The following ANKRD6 variants were observed in gnomAD, a reference collection of about 807,000 sequenced individuals.
ANKRD6 encodes the protein ankyrin repeat domain 6, also known as ankyrin repeat domain-containing protein 6.
A neutral mutation model predicts 82.3 loss-of-function variants in ANKRD6; 56 were observed. The observed-to-expected ratio is 0.68, with a 90% CI of 0.55 to 0.85. ANKRD6 has a LOEUF of 0.85. Ranked by LOEUF, ANKRD6 falls within the 40% of genes least tolerant of loss-of-function variation. The pLI, the probability that ANKRD6 is intolerant of heterozygous loss-of-function variation, is 0.00. For missense variants in ANKRD6, 852 were observed against 907.6 expected (o/e 0.94, Z 0.79); for synonymous variants, 347 against 352.1 (o/e 0.99, Z 0.16).
chr6:89,630,282 A>G, intron 15 of ANKRD6, 151 bp from the exon 16 acceptor site: 2 of 909,990 alleles, frequency 2.2e-6, no homozygotes, highest in Non-Finnish European at 3.2e-6. Context: ...GAAAGGTGAG[A>G]AAAGGCTCAG....
intron 1 of ANKRD6, among the ~76,000 whole-genome samples, chr6:89,473,598 T>C (rs1257391332): frequency 6.6e-6 from 1 of 152,166 alleles, no homozygotes; most frequent in Non-Finnish European, 1.5e-5. Flanking sequence ...TAAAGTAATG[T>C]CTTATGTTAC....
chr6:89,465,333 C>A (rs1186521276), intron 1 of ANKRD6, among the ~76,000 whole-genome samples: 1 of 151,922 alleles, frequency 6.6e-6, no homozygotes, highest in Non-Finnish European at 1.5e-5. Context: ...GCTGGCCAGG[C>A]TGATCTTGAA....
intron 1 of ANKRD6, among the ~76,000 whole-genome samples, chr6:89,508,684 T>G (rs1582991198): frequency 6.6e-6 from 1 of 152,334 alleles, no homozygotes; most frequent in African/African-American, 2.4e-5. Flanking sequence ...TTTATTTTCC[T>G]GGTTACCTAT....
intron 15 of ANKRD6, 44 bp downstream of exon 15, chr6:89,629,282 C>T: frequency 6.2e-7 from 1 of 1,611,542 alleles, no homozygotes; most frequent in Non-Finnish European, 8.5e-7. Context: ...AGGAACACGA[C>T]CAGCAGCTCT....
chr6:89,532,585 C>T (rs1783303886), intron 1 of ANKRD6, among the ~76,000 whole-genome samples: 1 of 152,218 alleles, frequency 6.6e-6, no homozygotes, highest in African/African-American at 2.4e-5. Flanking sequence ...ATTTAAGCTC[C>T]ATGAGGGCAG....
chr6:89,471,346 A>G (rs1036470911), intron 1 of ANKRD6, among the ~76,000 whole-genome samples: 15 of 150,880 alleles, frequency 9.9e-5, no homozygotes, highest in Non-Finnish European at 1.9e-4. Flanking sequence ...CTCTGTCTCA[A>G]AAACAACAAC....
rs1253578699 is a variant in ANKRD6 at position 89,630,853 on chromosome 6, AGAT to A, written c.2035_2037del (p.Met679del). 3 of 1,613,776 alleles carry A rather than the reference AGAT, an allele frequency of 1.9e-6. No homozygotes were observed. Among genetic ancestry groups the A allele is most frequent in the Non-Finnish European group, 8.5e-7 (1 of 1,179,898 alleles). ...TATTTTTTTGAGGCTGTTTCTACCC[AGAT>A]GGAAAAGTGGTATGAAAGGAAGATT... On this transcript the variant is annotated inframe_deletion, in exon 16 of 16. Coordinates refer to ENST00000339746, the MANE Select transcript of ANKRD6 (RefSeq NM_001242809.2).
intron 1 of ANKRD6, among the ~76,000 whole-genome samples, chr6:89,495,864 G>A (rs1439775804): frequency 1.3e-5 from 2 of 152,028 alleles, no homozygotes; most frequent in Non-Finnish European, 2.9e-5. Context: ...CAAGTTATAG[G>A]TATTATCTCT....
chr6:89,474,528 C>T (rs1262579772), intron 1 of ANKRD6, among the ~76,000 whole-genome samples: 1 of 152,194 alleles, frequency 6.6e-6, no homozygotes, highest in Non-Finnish European at 1.5e-5. Context: ...TGCCATTCTC[C>T]TGCCTCAGCC....
Position 89,598,274 on chromosome 6 carries a change from C to T in ANKRD6, c.219+2260C>T, listed in dbSNP as rs1796335041. 9.1e-6 allele frequency: 9 copies of T among 985,208 alleles called. No individual in the cohort carries two copies. In the South Asian group the frequency reaches 4.2e-4, roughly 46 times the overall value. The allele number at this position is 985,208 out of a possible 1,614,324, so 61.0% of individuals were successfully genotyped here. A position where few individuals can be genotyped will look rare whatever the true frequency, so the allele number is the denominator to read the frequency against. ...GTCAACTCTCATTGGAGCGCTAATG[C>T]CATCTCTGATTGGTCAATGAGCAAT... On this transcript the variant is annotated intron_variant, in intron 3 of 15. Transcript: ENST00000339746.
At chr6:89,519,629 G>T (rs182830689) in intron 1 of ANKRD6, among the ~76,000 whole-genome samples, 1 of 152,214 alleles carries the variant, frequency 6.6e-6, no homozygotes, top group Admixed American at 6.5e-5. Flanking sequence ...ATTTGAATCA[G>T]GAGTTTGGAG....
chr6:89,548,264 A>T (rs1022747109), intron 1 of ANKRD6, among the ~76,000 whole-genome samples: 1 of 152,328 alleles, frequency 6.6e-6, no homozygotes, highest in South Asian at 2.1e-4. Flanking sequence ...TGGACATTTC[A>T]TATAAATAGA....
At chr6:89,469,246 C>T (rs998048577) in intron 1 of ANKRD6, among the ~76,000 whole-genome samples, 12 of 152,128 alleles carry the variant, frequency 7.9e-5, no homozygotes, top group Non-Finnish European at 1.2e-4. Flanking sequence ...AGACCCCTAC[C>T]GTGATGCCTT....
chr6:89,503,585 G>A (rs756198843), intron 1 of ANKRD6, among the ~76,000 whole-genome samples: 1 of 152,148 alleles, frequency 6.6e-6, no homozygotes, highest in South Asian at 2.1e-4. Context: ...AATATTAAGT[G>A]CCTGCTATAT....
In ANKRD6 at chr6:89,475,464, G is replaced by A. The variant is rs964041787; in HGVS notation, c.-144+42089G>A. ...TTCTGTTTGTTAGCATATCTGTACT[G>A]GCATGAATATGATTGGAACATGCAG... On this transcript the variant is annotated intron_variant, in intron 1 of 15. Coordinates refer to ENST00000339746, the MANE Select transcript of ANKRD6 (RefSeq NM_001242809.2). Among the ~76,000 whole-genome samples the A allele has an allele frequency of 1.1e-4, 16 of 152,128 alleles. No individual in the cohort carries two copies. The South Asian group carries it at 1.5e-3, about 14-fold the overall frequency.
intron 2 of ANKRD6, among the ~76,000 whole-genome samples, chr6:89,577,052 G>A (rs1396065489): frequency 6.6e-6 from 1 of 152,018 alleles, no homozygotes; most frequent in East Asian, 1.9e-4. Context: ...ACCATGCCCA[G>A]CCTTCCTGGG....
At chr6:89,449,400 G>A (rs905073700) in intron 1 of ANKRD6, among the ~76,000 whole-genome samples, 6 of 152,142 alleles carry the variant, frequency 3.9e-5, no homozygotes, top group Admixed American at 3.9e-4. Flanking sequence ...TTATGGATGA[G>A]CAAAGAAAGT....
intron 14 of ANKRD6, chr6:89,628,753 G>C (rs1806553731): frequency 7.4e-6 from 2 of 271,002 alleles, no homozygotes; most frequent in Non-Finnish European, 1.4e-5. Flanking sequence ...CTGGGCGACA[G>C]AGCGAGACTT....
chr6:89,436,977 TA>T (rs1464355945), intron 1 of ANKRD6, among the ~76,000 whole-genome samples: 2 of 152,214 alleles, frequency 1.3e-5, no homozygotes, highest in African/African-American at 4.8e-5. Flanking sequence ...GAGGATCAGC[TA>T]TTAAATTTGT....
Sources: allele counts gnomAD v4.1 joint callset (sites outside exome capture counted in the v4.1 genomes callset), GRCh38; gene constraint gnomAD v4.1.1; transcripts MANE v1.5; gene names NCBI Gene and HGNC (gene_info 2026-07-23, HGNC 2026-07-21).